Variants in DNAJC5B observed in about 807,000 individuals in gnomAD.
The protein encoded by DNAJC5B is DnaJ heat shock protein family (Hsp40) member C5 beta.
A neutral mutation model predicts 24.7 loss-of-function variants in DNAJC5B; 23 were observed. That is an observed-to-expected ratio of 0.93 (90% CI 0.67 to 1.32). The LOEUF (loss-of-function observed/expected upper bound fraction) is 1.32. DNAJC5B is among the 40% of genes most tolerant of loss of function. DNAJC5B has a pLI of 0.00. For synonymous variants in DNAJC5B, 101 were observed against 90.1 expected (o/e 1.12, Z -0.68); for missense variants, 238 against 240.8 (o/e 0.99, Z 0.08).
intron 5 of DNAJC5B, among the ~76,000 whole-genome samples, chr8:66,097,432 T>G (rs1479762011): frequency 6.6e-6 from 1 of 152,052 alleles, no homozygotes; most frequent in Non-Finnish European, 1.5e-5. Flanking sequence ...TTCTGACTTA[T>G]ACATTATTTT....
intron 1 of DNAJC5B, among the ~76,000 whole-genome samples, chr8:66,028,264 G>A (rs569083499): frequency 3.9e-5 from 6 of 152,120 alleles, no homozygotes; most frequent in Non-Finnish European, 7.3e-5. Context: ...CTTACTCACC[G>A]GCGCTCATGT....
rs1335231485 is a variant in DNAJC5B, at chr8:66,099,869, T to A, written c.506-68T>A. ...GTCATGAATTCAACAAAAATACCTA[T>A]CACTTGCTTCATTAAAAGAACTGTA... On this transcript the variant is annotated intron_variant, in intron 5 of 5. Coordinates refer to ENST00000276570, the MANE Select transcript of DNAJC5B (RefSeq NM_033105.6). 2.9e-6 allele frequency: 4 copies of A among 1,386,710 alleles called. No homozygotes were observed. In the African/African-American group the frequency reaches 4.3e-5, roughly 15 times the overall value. The allele number at this position is 1,386,710 out of a possible 1,614,324, so 85.9% of individuals were successfully genotyped here. A position where few individuals can be genotyped will look rare whatever the true frequency, so the allele number is the denominator to read the frequency against.
chr8:66,046,741 A>G (rs576980956), intron 2 of DNAJC5B, among the ~76,000 whole-genome samples: 1 of 152,358 alleles, frequency 6.6e-6, no homozygotes, highest in Admixed American at 6.5e-5. Context: ...ATTCATCACC[A>G]TATCATGAAC....
At chr8:66,056,382 A>T (rs1806963746) in intron 3 of DNAJC5B, 1 of 151,958 alleles carries the variant, frequency 6.6e-6, no homozygotes, top group African/African-American at 2.4e-5. Flanking sequence ...CCTCTCTCTC[A>T]CCTAGAGACC....
At chr8:66,071,348 T>C (rs1055980033) in intron 3 of DNAJC5B, among the ~76,000 whole-genome samples, 23 of 151,938 alleles carry the variant, frequency 1.5e-4, no homozygotes, top group African/African-American at 5.3e-4. Context: ...TTAAACAAAT[T>C]TACAAGAAAA....
intron 1 of DNAJC5B, among the ~76,000 whole-genome samples, chr8:66,034,767 G>A (rs1206885436): frequency 6.6e-6 from 1 of 152,142 alleles, no homozygotes; most frequent in Non-Finnish European, 1.5e-5. Context: ...TGGGAAATCT[G>A]TGAGTGGTCA....
At chr8:66,047,215 C>T (rs916914461) in intron 2 of DNAJC5B, among the ~76,000 whole-genome samples, 9 of 152,206 alleles carry the variant, frequency 5.9e-5, no homozygotes, top group African/African-American at 1.9e-4. Flanking sequence ...GGGCTTCTCT[C>T]AAGAGCAACC....
At chr8:66,028,310 G>A (rs901104336) in intron 1 of DNAJC5B, among the ~76,000 whole-genome samples, 1 of 152,130 alleles carries the variant, frequency 6.6e-6, no homozygotes, top group Non-Finnish European at 1.5e-5. Context: ...CATTCTTGGC[G>A]TGCAAAGCAA....
At chr8:66,083,695 T>G (rs1807654570) in intron 5 of DNAJC5B, among the ~76,000 whole-genome samples, 1 of 152,176 alleles carries the variant, frequency 6.6e-6, no homozygotes, top group Admixed American at 6.5e-5. Context: ...TGTAGGAATC[T>G]ACCTAAAGTC....
intron 1 of DNAJC5B, among the ~76,000 whole-genome samples, chr8:66,042,312 A>G (rs1315988243): frequency 6.6e-6 from 1 of 152,226 alleles, no homozygotes; most frequent in African/African-American, 2.4e-5. Context: ...AGAGTTCTGC[A>G]CTACTTAACT....
chr8:66,095,505 A>ATTTC (rs372192380), intron 5 of DNAJC5B, among the ~76,000 whole-genome samples: 14 of 150,212 alleles, frequency 9.3e-5, no homozygotes, highest in African/African-American at 2.9e-4. Context: ...TTTCTACTTA[A>ATTTC]TTTCTTTCTT....
At chr8:66,051,504 C>A (rs373730919) in intron 2 of DNAJC5B, 27 bp from the exon 3 acceptor site, 1 of 1,404,220 alleles carries the variant, frequency 7.1e-7, no homozygotes, top group South Asian at 1.2e-5. Context: ...GTGTGCATAA[C>A]CTTCATGGCT....
intron 3 of DNAJC5B, among the ~76,000 whole-genome samples, chr8:66,053,886 C>T (rs967281494): frequency 6.6e-6 from 1 of 151,710 alleles, no homozygotes; most frequent in South Asian, 2.1e-4. Flanking sequence ...GCCTCAGCCT[C>T]CCAAAGTGCT....
Position 66,076,857 on chromosome 8 carries a change from C to T in DNAJC5B, c.317C>T (p.Ser106Leu), listed in dbSNP as rs772285428. ...AACGTTAACACCTACTTCATGCTGT[C>T]GAGCTGGTGGGCAAAGGTGAAACTG... Reference protein sequence around the residue: ...DENVNTYFMLSSWWAKALFVI... With the variant: ...DENVNTYFMLLSWWAKALFVI... Residue 106 changes from serine (S) to leucine (L), a missense_variant, in exon 4 of 6, where the codon TCG becomes TTG. By Grantham distance (145) the Ser-to-Leu change is moderately radical. Coordinates refer to ENST00000276570, the MANE Select transcript of DNAJC5B (RefSeq NM_033105.6). 6.2e-7 allele frequency: 1 copy of T among 1,614,088 alleles called. No individual in the cohort carries two copies. Among genetic ancestry groups the T allele is most frequent in the South Asian group, 1.1e-5 (1 of 91,078 alleles).
chr8:66,091,702 C>T (rs754867986), intron 5 of DNAJC5B, among the ~76,000 whole-genome samples: 1 of 152,080 alleles, frequency 6.6e-6, no homozygotes, highest in Non-Finnish European at 1.5e-5. Context: ...GCTGGAATCC[C>T]CATCCCCAAT....
chr8:66,096,103 A>T (rs768375848), intron 5 of DNAJC5B, among the ~76,000 whole-genome samples: 3 of 152,198 alleles, frequency 2.0e-5, no homozygotes, highest in Admixed American at 6.5e-5. Context: ...TTATTCTCTC[A>T]CAGTTCTGGA....
At chr8:66,050,460 C>T (rs890209099) in intron 2 of DNAJC5B, among the ~76,000 whole-genome samples, 1 of 152,206 alleles carries the variant, frequency 6.6e-6, no homozygotes, top group Non-Finnish European at 1.5e-5. Context: ...CTTTCACCCT[C>T]TCTTAATTCA....
chr8:66,069,757 A>C (rs558266970), intron 3 of DNAJC5B, among the ~76,000 whole-genome samples: 2 of 152,244 alleles, frequency 1.3e-5, no homozygotes, highest in Non-Finnish European at 2.9e-5. Context: ...ACACAACAAG[A>C]AAAGAAAATT....
chr8:66,089,475 CTGT>C (rs1278626782), intron 5 of DNAJC5B, among the ~76,000 whole-genome samples: 1 of 152,162 alleles, frequency 6.6e-6, no homozygotes, highest in African/African-American at 2.4e-5. Context: ...CCTTTCTTAA[CTGT>C]TGACTTATAA....
Sources: gnomAD v4.1 joint callset for allele counts (sites outside exome capture counted in the v4.1 genomes callset) on GRCh38, gnomAD v4.1.1 for gene constraint, MANE v1.5 for transcripts, NCBI Gene and HGNC (gene_info 2026-07-23, HGNC 2026-07-21) for gene names.